Variants in DNAH9 observed in about 807,000 individuals in gnomAD.
The protein encoded by DNAH9 is dynein axonemal heavy chain 9.
DNAH9 carries 345 observed loss-of-function variants against 471.6 expected under a neutral mutation model. That is an observed-to-expected ratio of 0.73 (90% CI 0.67 to 0.80). The LOEUF is 0.80. DNAH9 is among the 30% of genes least tolerant of loss of function. DNAH9 has a pLI of 0.00. For synonymous variants in DNAH9, 2,093 were observed against 2,123.6 expected, an observed-to-expected ratio of 0.99 and a Z score of 0.40; for missense variants, 5,407 against 5,609.2, an observed-to-expected ratio of 0.96 and a Z score of 1.15.
Position 11,797,638 on chromosome 17 carries a change from G to C in DNAH9, c.8265G>C (p.Leu2755=), listed in dbSNP as rs768503006. ...TGGAGCAGACCCAAAGCCCGAACCT[G>C]TATTGTCACTTTGCAAATGGTATTG... The part of the protein sequence containing the change: ...DPVEQTQSPN[L]YCHFANGIGE... The change falls in exon 43 of 69, where the codon CTG becomes CTC. Residue 2755 remains leucine, a synonymous_variant. Transcript: ENST00000262442. 6 of 1,614,132 alleles carry C rather than the reference G, an allele frequency of 3.7e-6. No individual in the cohort carries two copies. The highest frequency in any genetic ancestry group is 1.7e-6 in the Non-Finnish European group (2 of 1,180,030).
chr17:11,810,451 G>A (rs1413245037), intron 45 of DNAH9, 82 bp downstream of exon 45: 4 of 1,527,154 alleles, frequency 2.6e-6, no homozygotes, highest in East Asian at 2.3e-5. Flanking sequence ...TTCGTCCAGG[G>A]TGGGAAGAGT....
chr17:11,658,493 C>CTTTTTT (rs529737635), intron 14 of DNAH9, among the ~76,000 whole-genome samples: 1 of 151,144 alleles, frequency 6.6e-6, no homozygotes, highest in South Asian at 2.1e-4. Flanking sequence ...TTTTTTATGT[C>CTTTTTT]TTTTTTTTTC....
intron 49 of DNAH9, among the ~76,000 whole-genome samples, chr17:11,835,267 G>C (rs1286741743): frequency 6.6e-6 from 1 of 152,154 alleles, no homozygotes; most frequent in Non-Finnish European, 1.5e-5. Context: ...TAATCCCAGG[G>C]ATCTTCCTGC....
At chr17:11,890,912 C>G (rs1282170677) in intron 57 of DNAH9, among the ~76,000 whole-genome samples, 1 of 152,152 alleles carries the variant, frequency 6.6e-6, no homozygotes, top group Non-Finnish European at 1.5e-5. Flanking sequence ...GTTTTGAACT[C>G]CTGGCCTCAA....
At chr17:11,783,066 A>G (rs1010781531) in intron 39 of DNAH9, among the ~76,000 whole-genome samples, 6 of 152,088 alleles carry the variant, frequency 3.9e-5, no homozygotes, top group African/African-American at 1.4e-4. Context: ...TATCTGCATC[A>G]TTATTACAAA....
At position 11,881,315 on chromosome 17, in the gene DNAH9, G is replaced by A; in HGVS notation, c.10708G>A (p.Ala3570Thr). ...PHYQPELQAQ[A>T]TLINFTVTRD... The stretch of plus-strand genomic sequence containing the variant: ...CTACCAGCCTGAGCTGCAGGCTCAG[G>A]CCACCCTGATCAACTTCACCGTGAC... The change falls in exon 55 of 69, where the codon GCC becomes ACC. Residue 3570 changes from alanine to threonine, a missense_variant. This residue lies in a region of DNAH9 where 4,636 missense variants were observed against 4,900.3 expected (regional missense o/e 0.95). Coordinates refer to ENST00000262442, the MANE Select transcript of DNAH9 (RefSeq NM_001372.4). 1 of 1,614,100 alleles carries A rather than the reference G, an allele frequency of 6.2e-7. No homozygotes were observed. The highest frequency in any genetic ancestry group is 8.5e-7 in the Non-Finnish European group (1 of 1,180,004).
chr17:11,843,190 C>CAAAAATAAATAAAAAAAAAAAA, intron 49 of DNAH9, among the ~76,000 whole-genome samples: 1 of 151,834 alleles, frequency 6.6e-6, no homozygotes, highest in Admixed American at 6.6e-5. Flanking sequence ...CTAGCCAATG[C>CAAAAATAAATAAAAAAAAAAAA]AATAATAAAT....
At chr17:11,736,524 AG>A (rs1262870462) in intron 28 of DNAH9, among the ~76,000 whole-genome samples, 4 of 152,190 alleles carry the variant, frequency 2.6e-5, no homozygotes, top group Admixed American at 1.3e-4. Context: ...GGCCTTTCCC[AG>A]GACCTGGACG....
At chr17:11,952,114 G>T (rs1025268639) in intron 67 of DNAH9, among the ~76,000 whole-genome samples, 32 of 144,006 alleles carry the variant, frequency 2.2e-4, no homozygotes, top group African/African-American at 6.9e-4. Flanking sequence ...AAACTATTAT[G>T]TATGTTTTTG....
rs181226533 is a variant in DNAH9, at chr17:11,620,414, G to A, written c.1350+633G>A. The stretch of plus-strand genomic sequence containing the variant: ...TGTAATCCCAGCTACTCGGGAGGCC[G>A]AGGCAGAGAATTTCTTGAACTCGGA... On this transcript the variant is annotated intron_variant, in intron 6 of 68. Coordinates refer to ENST00000262442, the MANE Select transcript of DNAH9 (RefSeq NM_001372.4). Among the ~76,000 whole-genome samples, 51 of 150,610 alleles carry A rather than the reference G, an allele frequency of 3.4e-4. 1 individual carries two copies. The East Asian group carries it at 6.5e-3, about 19-fold the overall frequency.
intron 50 of DNAH9, among the ~76,000 whole-genome samples, chr17:11,868,596 G>A (rs533415094): frequency 9.2e-5 from 14 of 152,064 alleles, no homozygotes; most frequent in South Asian, 8.3e-4. Flanking sequence ...CTTAGATTCC[G>A]GACAGCCCAG....
At chr17:11,794,358 G>A (rs1258208190) in intron 42 of DNAH9, among the ~76,000 whole-genome samples, 14 of 152,240 alleles carry the variant, frequency 9.2e-5, no homozygotes, top group South Asian at 4.1e-4. Flanking sequence ...CACTGAGCCC[G>A]GCCTGAGCAA....
intron 26 of DNAH9, among the ~76,000 whole-genome samples, chr17:11,713,058 C>T (rs1057388742): frequency 6.6e-6 from 1 of 152,048 alleles, no homozygotes; most frequent in Non-Finnish European, 1.5e-5. Flanking sequence ...TTCCCTCACC[C>T]ACCCCACCAA....
At chr17:11,605,672 C>CTTTTTTTTTTTTTTT (rs1597382017) in intron 1 of DNAH9, among the ~76,000 whole-genome samples, 2 of 101,676 alleles carry the variant, frequency 2.0e-5, no homozygotes, top group African/African-American at 7.0e-5. Context: ...GGCAATTTTT[C>CTTTTTTTTTTTTTTT]TATTTTTTTT....
chr17:11,966,834 T>C, intron 68 of DNAH9, among the ~76,000 whole-genome samples: 1 of 151,414 alleles, frequency 6.6e-6, no homozygotes, highest in Non-Finnish European at 1.5e-5. Context: ...GATGAGGTGG[T>C]TGGATCACTT....
intron 59 of DNAH9, 88 bp downstream of exon 59, chr17:11,894,584 C>A: frequency 6.5e-7 from 1 of 1,536,828 alleles, no homozygotes; most frequent in Non-Finnish European, 8.8e-7. Context: ...GCAGGGCTCT[C>A]TGTTGGAGTT....
intron 10 of DNAH9, among the ~76,000 whole-genome samples, chr17:11,644,030 T>G (rs1597425027): frequency 6.6e-6 from 1 of 152,148 alleles, no homozygotes; most frequent in African/African-American, 2.4e-5. Context: ...GAGTGGGTGG[T>G]GAGTGAATGC....
At chr17:11,703,041 T>C (rs1244253383) in intron 24 of DNAH9, among the ~76,000 whole-genome samples, 1 of 146,984 alleles carries the variant, frequency 6.8e-6, no homozygotes, top group South Asian at 2.1e-4. Flanking sequence ...TGCAGTAAGC[T>C]GAGATCGTGC....
chr17:11,601,333 G>A (rs1331141932), intron 1 of DNAH9, among the ~76,000 whole-genome samples: 3 of 112,890 alleles, frequency 2.7e-5, no homozygotes, highest in African/African-American at 1.0e-4. Context: ...AGGAGGGGAA[G>A]AAGAGAGAAA....
Sources: gnomAD v4.1 joint callset for allele counts (sites outside exome capture counted in the v4.1 genomes callset) on GRCh38, gnomAD v4.1.1 for gene constraint, gnomAD v4.1.1 regional missense constraint, MANE v1.5 for transcripts, NCBI Gene and HGNC (gene_info 2026-07-23, HGNC 2026-07-21) for gene names.